Variants in APOOL observed in about 807,000 individuals in gnomAD.
APOOL encodes the protein apolipoprotein O like, also known as MICOS complex subunit MIC27.
Under a neutral mutation model 23.1 loss-of-function variants are expected in APOOL, and 12 were observed. The observed-to-expected ratio is 0.52, with a 90% confidence interval of 0.33 to 0.84. The LOEUF (loss-of-function observed/expected upper bound fraction) is 0.84. Among genes scored for constraint, APOOL ranks in the 40% least tolerant of loss-of-function variants. The probability of loss-of-function intolerance (pLI) is 0.02; values close to 1 mark genes in which losing one functional copy is unlikely to be tolerated. For missense variants in APOOL, 212 were observed against 199.6 expected (o/e 1.06, Z -0.37); for synonymous variants, 77 against 69.9 (o/e 1.10, Z -0.51).
At position 85,089,891 on chromosome X, in the gene APOOL, GTC is replaced by G. The variant is rs1924474553; in HGVS notation, c.*2218_*2219del. On this transcript the variant is annotated 3_prime_UTR_variant, in exon 9 of 9. Coordinates refer to ENST00000373173, the MANE Select transcript of APOOL (RefSeq NM_198450.6). Reference sequence around the variant, plus strand: ...TAATTTGCTCACTGTCAATCTTGCTGTCTCTCATTTCAGAATATGTTCTGCTT... The same window carrying G: ...TAATTTGCTCACTGTCAATCTTGCTGTCTCATTTCAGAATATGTTCTGCTT... 1 of 106,343 alleles carries G rather than the reference GTC, an allele frequency of 9.4e-6. No homozygotes were observed. The allele number at this position is 106,343 out of a possible 1,213,427, so 8.8% of individuals were successfully genotyped here. A position where few individuals can be genotyped will look rare whatever the true frequency, so the allele number is the denominator to read the frequency against.
At position 85,005,735 on chromosome X, in the gene APOOL, AAC is replaced by A. The variant is rs759902994; in HGVS notation, c.15+1812_15+1813del. Among the ~76,000 whole-genome samples, 653 of 111,142 alleles carry A rather than the reference AAC, an allele frequency of 5.9e-3. 4 individuals carry two copies. Among genetic ancestry groups the A allele is most frequent in the African/African-American group, 0.02 (615 of 30,127 alleles). On this transcript the variant is annotated intron_variant, in intron 1 of 8. Transcript: ENST00000373173. ...TAAGTGGTGGAGATATAACACATAT[AAC>A]ACAAATGACTGTGATTCAGAGTAAG... is the stretch of plus-strand genomic sequence containing the variant.
intron 1 of APOOL, among the ~76,000 whole-genome samples, chrX:85,036,734 A>G (rs1259715949): frequency 9.0e-6 from 1 of 110,578 alleles, no homozygotes; most frequent in East Asian, 2.8e-4. Context: ...TGGGGGAGCA[A>G]GTGGTTTTTG....
intron 4 of APOOL, 68 bp from the exon 5 acceptor site, chrX:85,055,759 C>T: frequency 3.9e-6 from 3 of 764,721 alleles, no homozygotes; most frequent in Non-Finnish European, 5.6e-6. Flanking sequence ...AACCTTCCTG[C>T]ATTATAACTG....
intron 8 of APOOL, among the ~76,000 whole-genome samples, chrX:85,077,271 C>T (rs562325117): frequency 1.4e-3 from 147 of 106,238 alleles, no homozygotes; most frequent in African/African-American, 4.7e-3. Context: ...CCCCACCCCA[C>T]AACAGGCCCC....
chrX:85,012,063 G>A (rs926337800), intron 1 of APOOL, among the ~76,000 whole-genome samples: 1 of 110,663 alleles, frequency 9.0e-6, no homozygotes, highest in Admixed American at 9.6e-5. Context: ...TCCACCTCCT[G>A]AAGTTTTTTT....
intron 6 of APOOL, among the ~76,000 whole-genome samples, chrX:85,072,950 C>T (rs1163654210): frequency 9.0e-6 from 1 of 111,334 alleles, no homozygotes; most frequent in African/African-American, 3.3e-5. Flanking sequence ...CCATTCATGC[C>T]AGTACATATA....
At chrX:85,069,636 A>C (rs1332537866) in intron 6 of APOOL, among the ~76,000 whole-genome samples, 1 of 107,858 alleles carries the variant, frequency 9.3e-6, no homozygotes, top group Non-Finnish European at 1.9e-5. Flanking sequence ...AAAAAAAAAA[A>C]ATCTTTCCTT....
intron 1 of APOOL, among the ~76,000 whole-genome samples, chrX:85,045,486 T>A (rs764774570): frequency 2.7e-5 from 3 of 111,973 alleles, no homozygotes; most frequent in Non-Finnish European, 5.6e-5. Context: ...CAGTGATTCT[T>A]CCAGGTGTTG....
In APOOL at chrX:85,074,076, G is replaced by A. The variant is rs1300536695; in HGVS notation, c.565G>A (p.Glu189Lys). The A allele has an allele frequency of 8.6e-7, 1 of 1,169,384 alleles. No homozygotes were observed. Among genetic ancestry groups the A allele is most frequent in the Admixed American group, 2.6e-5 (1 of 38,852 alleles). ...VKSLWTKSSK[E>K]ESLPKPKEKT... ...ATCATTGTGGACAAAAAGCAGCAAAGAAGAGTCACTCCCTAAACCTAAAGA... is the reference window on the plus strand; with the variant it reads ...ATCATTGTGGACAAAAAGCAGCAAAAAAGAGTCACTCCCTAAACCTAAAGA... Residue 189 changes from glutamate to lysine, a missense_variant, in exon 7 of 9, where the codon GAA becomes AAA. Transcript: ENST00000373173.
At position 85,060,610 on chromosome X, in the gene APOOL, G is replaced by A. The variant is rs747307281; in HGVS notation, c.394+4685G>A. On this transcript the variant is annotated intron_variant, in intron 5 of 8. Transcript: ENST00000373173. ...GGTCCTTCACATCCCTTGTAAGTTG[G>A]ATTCCTAGGTATTTTATTCTCTTTG... 6.5e-3 allele frequency among the ~76,000 whole-genome samples: 723 copies of A among 111,094 alleles called. 4 individuals are homozygous for A. The highest frequency in any genetic ancestry group is 0.021 in the African/African-American group (639 of 30,521).
chrX:85,071,422 T>C (rs1378076058), intron 6 of APOOL, among the ~76,000 whole-genome samples: 2 of 110,792 alleles, frequency 1.8e-5, no homozygotes, highest in African/African-American at 3.3e-5. Flanking sequence ...TTCAGATCAG[T>C]GTGTAATGGA....
At chrX:85,054,462 A>G in intron 4 of APOOL, 64 bp downstream of exon 4, 2 of 991,223 alleles carry the variant, frequency 2.0e-6, no homozygotes, top group Middle Eastern at 2.7e-4. Context: ...TAAATGTGAG[A>G]AAAATAAACT....
intron 1 of APOOL, 102 bp downstream of exon 1, chrX:85,004,029 G>A: frequency 9.7e-7 from 1 of 1,034,206 alleles, no homozygotes; most frequent in Non-Finnish European, 1.4e-6. Context: ...GAAACAAGGG[G>A]CAGGGTGGAG....
intron 2 of APOOL, among the ~76,000 whole-genome samples, chrX:85,047,506 A>C (rs927090203): frequency 2.7e-5 from 3 of 111,271 alleles, no homozygotes; most frequent in African/African-American, 9.8e-5. Flanking sequence ...TTTATATTTG[A>C]GTGCTCAAAA....
chrX:85,017,253 C>G, intron 1 of APOOL, among the ~76,000 whole-genome samples: 1 of 111,212 alleles, frequency 9.0e-6, no homozygotes, highest in East Asian at 2.8e-4. Context: ...ATGGCTGCCT[C>G]TGCTGTGCAG....
At chrX:85,027,544 C>T (rs1921885776) in intron 1 of APOOL, among the ~76,000 whole-genome samples, 1 of 111,689 alleles carries the variant, frequency 9.0e-6, no homozygotes, top group Non-Finnish European at 1.9e-5. Context: ...TGTGATGTCT[C>T]TTTCCCATAT....
chrX:85,053,294 T>C (rs866949172), intron 3 of APOOL, among the ~76,000 whole-genome samples: 1 of 111,640 alleles, frequency 9.0e-6, no homozygotes, highest in Middle Eastern at 4.6e-3. Context: ...ACTTTGAAGG[T>C]GAAATATTCT....
intron 1 of APOOL, among the ~76,000 whole-genome samples, chrX:85,026,088 C>G (rs767991762): frequency 1.8e-5 from 2 of 113,356 alleles, no homozygotes; most frequent in African/African-American, 6.4e-5. Flanking sequence ...CTCATATATC[C>G]TCAGGGAAGA....
intron 1 of APOOL, among the ~76,000 whole-genome samples, chrX:85,023,590 A>T (rs955062923): frequency 7.1e-5 from 8 of 112,170 alleles, no homozygotes; most frequent in Non-Finnish European, 1.3e-4. Flanking sequence ...GAGACTCCGA[A>T]CAGCCAGAAC....
Sources: gnomAD v4.1 joint callset for allele counts (sites outside exome capture counted in the v4.1 genomes callset) on GRCh38, gnomAD v4.1.1 for gene constraint, MANE v1.5 for transcripts, NCBI Gene and HGNC (gene_info 2026-07-23, HGNC 2026-07-21) for gene names.